The following TARDBP variants were observed in gnomAD, a reference collection of about 807,000 sequenced individuals.
The protein encoded by TARDBP is TAR DNA-binding protein 43.
A neutral mutation model predicts 38.3 loss-of-function variants in TARDBP; 4 were observed. The observed-to-expected ratio is 0.10, with a 90% CI of 0.05 to 0.24. TARDBP has a LOEUF of 0.24. TARDBP is among the 10% of genes least tolerant of loss of function. The pLI is 1.00. For synonymous variants in TARDBP, 184 were observed against 183.8 expected (o/e 1.00, Z -0.01); for missense variants, 202 against 521.9 (o/e 0.39, Z 5.97).
downstream of TARDBP, among the ~76,000 whole-genome samples, chr1:11,028,712 T>G (rs56142504): frequency 0.72 from 92,836 of 128,988 alleles, 31,582 homozygotes; most frequent in Non-Finnish European, 0.76. Context: ...TTTTCTTTTT[T>G]TTTTTTTTTT....
At chr1:11,026,827 G>T, downstream of TARDBP, 1 of 1,409,458 alleles carries the variant, frequency 7.1e-7, no homozygotes, top group Non-Finnish European at 9.4e-7. Context: ...CCACGTCGCT[G>T]CCAAGGTCTT....
intron 3 of TARDBP, among the ~76,000 whole-genome samples, chr1:11,017,550 CTT>C (rs780000509): frequency 6.6e-6 from 1 of 152,030 alleles, no homozygotes; most frequent in Non-Finnish European, 1.5e-5. Context: ...ACAGATGATA[CTT>C]CCAATATTTG....
intron 2 of TARDBP, among the ~76,000 whole-genome samples, chr1:11,014,560 C>T (rs1385220449): frequency 1.3e-5 from 2 of 152,194 alleles, no homozygotes; most frequent in East Asian, 3.9e-4. Flanking sequence ...GTCGATCTGT[C>T]TGTGTGTTCC....
Position 11,016,983 on chromosome 1 carries a change from C to T in TARDBP, c.378C>T (p.Thr126=). 2 of 1,614,134 alleles carry T rather than the reference C, an allele frequency of 1.2e-6. No individual in the cohort carries two copies. Among genetic ancestry groups the T allele is most frequent in the Non-Finnish European group, 8.5e-7 (1 of 1,180,026 alleles). Residue 126 remains threonine, a synonymous_variant, in exon 3 of 6, where the codon ACC becomes ACT. Transcript: ENST00000240185. ...AGGACCTGAAAGAGTATTTTAGTAC[C>T]TTTGGAGAAGTTCTTATGGTGCAGG... ...TEQDLKEYFS[T]FGEVLMVQVK...
chr1:11,021,984 T>G (rs926579599), intron 5 of TARDBP, 140 bp from the exon 6 acceptor site: 20 of 920,736 alleles, frequency 2.2e-5, no homozygotes, highest in Non-Finnish European at 3.1e-5. Flanking sequence ...GTATTGGGGG[T>G]TTAAATGAAA....
At chr1:11,025,914 T>TTAG (rs892852700), downstream of TARDBP, 1 of 154,834 alleles carries the variant, frequency 6.5e-6, no homozygotes, top group Non-Finnish European at 1.5e-5. Flanking sequence ...TAAGTGTGTA[T>TTAG]TAGGGTTCTG....
At chr1:11,017,180 C>T (rs966783525) in intron 3 of TARDBP, among the ~76,000 whole-genome samples, 173 bp downstream of exon 3, 4 of 151,274 alleles carry the variant, frequency 2.6e-5, no homozygotes, top group Non-Finnish European at 4.4e-5. Context: ...CCACCATGCC[C>T]AGCCACAATC....
At chr1:11,021,367 C>T (rs1258675908) in intron 5 of TARDBP, among the ~76,000 whole-genome samples, 1 of 151,874 alleles carries the variant, frequency 6.6e-6, no homozygotes, top group Non-Finnish European at 1.5e-5. Flanking sequence ...TCTCGAACTC[C>T]TGACCTCAGG....
Position 11,022,580 on chromosome 1 carries a change from G to T in TARDBP, c.1171G>T (p.Ala391Ser). 6.3e-7 allele frequency: 1 copy of T among 1,581,612 alleles called. No homozygotes were observed. The highest frequency in any genetic ancestry group is 2.2e-5 in the East Asian group (1 of 44,500). Residue 391 changes from alanine (A) to serine (S), a missense_variant, in exon 6 of 6, where the codon GCA becomes TCA. Physicochemically the swap from Ala to Ser is moderately conservative, Grantham distance 99. Coordinates refer to ENST00000240185, the MANE Select transcript of TARDBP (RefSeq NM_007375.4). The surrounding 1 kb of genome is among the most constrained non-coding windows in gnomAD (Gnocchi z 4.5). Reference sequence around the variant, plus strand: ...AATTGGTTGGGGATCAGCATCCAATGCAGGGTCGGGCAGTGGTTTTAATGG... The same window carrying T: ...AATTGGTTGGGGATCAGCATCCAATTCAGGGTCGGGCAGTGGTTTTAATGG... Reference protein sequence around the residue: ...AAIGWGSASNAGSGSGFNGGF... With the variant: ...AAIGWGSASNSGSGSGFNGGF...
Position 11,022,073 on chromosome 1 carries a change from A to G in TARDBP, c.715-51A>G, listed in dbSNP as rs1182006424. ...TCTAAGTTTTGTTGCTACTTTAAAT[A>G]TATGAATCAGTGGTTTAATCTTCTT... On this transcript the variant is annotated intron_variant, in intron 5 of 5. Coordinates refer to ENST00000240185, the MANE Select transcript of TARDBP (RefSeq NM_007375.4). The surrounding 1 kb of genome is among the most constrained non-coding windows in gnomAD (Gnocchi z 4.5). 3.7e-6 allele frequency: 6 copies of G among 1,604,354 alleles called. No individual in the cohort carries two copies. The South Asian group carries it at 4.4e-5, about 12-fold the overall frequency.
intron 2 of TARDBP, among the ~76,000 whole-genome samples, chr1:11,014,300 A>G (rs747884819): frequency 3.9e-5 from 6 of 152,228 alleles, no homozygotes; most frequent in South Asian, 2.1e-4. Flanking sequence ...GGATTTGATC[A>G]TTGTCCTTTT....
intron 4 of TARDBP, 109 bp from the exon 5 acceptor site, chr1:11,020,320 G>A (rs1470824841): frequency 7.6e-7 from 1 of 1,318,852 alleles, no homozygotes; most frequent in East Asian, 2.3e-5. Flanking sequence ...ACTTTTTAAT[G>A]GTTCACTGCT....
downstream of TARDBP, chr1:11,027,163 G>C: frequency 6.2e-7 from 1 of 1,613,906 alleles, no homozygotes; most frequent in Non-Finnish European, 8.5e-7. Flanking sequence ...CATTTTTGAT[G>C]GTCAACAATC....
rs1378750997 is a variant in TARDBP at position 11,013,699 on chromosome 1, A to G, written c.-12-17A>G. On this transcript the variant is annotated splice_polypyrimidine_tract_variant and intron_variant, in intron 1 of 5. Transcript: ENST00000240185. ...TCTGACATGAATGTTGTTCATTCAT[A>G]TCTCTTTTCTCTTTAGGAAAAGTAA... 5 of 1,554,542 alleles carry G rather than the reference A, an allele frequency of 3.2e-6. No individual in the cohort carries two copies. In the African/African-American group the frequency reaches 4.1e-5, roughly 13 times the overall value.
At chr1:11,027,134 C>T (rs1643749249), downstream of TARDBP, 1 of 1,612,652 alleles carries the variant, frequency 6.2e-7, no homozygotes, top group Admixed American at 1.7e-5. Context: ...GATAGGGTGG[C>T]TTTTCATATG....
At chr1:11,013,301 G>GGTTAGGGTTAGGGTTAGGGTTAGAA (rs1473636943) in intron 1 of TARDBP, among the ~76,000 whole-genome samples, 4 of 152,238 alleles carry the variant, frequency 2.6e-5, no homozygotes, top group African/African-American at 9.6e-5. Context: ...TAGGAAAATC[G>GGTTAGGGTTAGGGTTAGGGTTAGAA]ACTGGGACCT....
At chr1:11,019,346 G>C (rs1230592709) in intron 4 of TARDBP, among the ~76,000 whole-genome samples, 1 of 152,178 alleles carries the variant, frequency 6.6e-6, no homozygotes, top group Non-Finnish European at 1.5e-5. Context: ...TGATCAGTCA[G>C]CAGCAGACCT....
downstream of TARDBP, among the ~76,000 whole-genome samples, chr1:11,027,885 C>T (rs1383384978): frequency 1.3e-5 from 2 of 152,120 alleles, no homozygotes; most frequent in South Asian, 4.2e-4. Flanking sequence ...TGAAAACTGA[C>T]TTTTAGAAGT....
chr1:11,015,813 G>A, intron 2 of TARDBP, among the ~76,000 whole-genome samples: 1 of 151,594 alleles, frequency 6.6e-6, no homozygotes, highest in East Asian at 2.0e-4. Context: ...GCACGATCTT[G>A]GCTCACTGCA....
Sources: gnomAD v4.1 joint callset for allele counts (sites outside exome capture counted in the v4.1 genomes callset) on GRCh38, gnomAD v4.1.1 for gene constraint, Gnocchi (gnomAD v3.1) non-coding constraint, MANE v1.5 for transcripts, NCBI Gene and HGNC (gene_info 2026-07-23, HGNC 2026-07-21) for gene names.